The following GRIK2 variants were observed in gnomAD, a reference collection of about 807,000 sequenced individuals.
GRIK2 encodes the protein glutamate receptor ionotropic, kainate 2.
GRIK2 carries 32 observed loss-of-function variants against 100.3 expected under a neutral mutation model. That is an observed-to-expected ratio of 0.32 (90% CI 0.24 to 0.43). The LOEUF (loss-of-function observed/expected upper bound fraction) is 0.43. Among genes scored for constraint, GRIK2 ranks in the 20% least tolerant of loss-of-function variants. The pLI, the probability that GRIK2 is intolerant of heterozygous loss-of-function variation, is 1.00. For synonymous variants in GRIK2, 417 were observed against 389.4 expected (o/e 1.07, Z -0.83); for missense variants, 843 against 1,114.9 (o/e 0.76, Z 3.47).
intron 4 of GRIK2, among the ~76,000 whole-genome samples, chr6:101,657,176 T>C (rs940192892): frequency 6.6e-6 from 1 of 152,178 alleles, no homozygotes; most frequent in African/African-American, 2.4e-5. Flanking sequence ...TCATCTTGAA[T>C]TGTAATCTCC....
At chr6:101,754,130 AT>A in intron 7 of GRIK2, among the ~76,000 whole-genome samples, 1 of 152,234 alleles carries the variant, frequency 6.6e-6, no homozygotes, top group African/African-American at 2.4e-5. Context: ...TATAGTATTG[AT>A]TACATAAAAT....
chr6:101,460,786 C>T (rs952076156), intron 2 of GRIK2, among the ~76,000 whole-genome samples: 4 of 152,100 alleles, frequency 2.6e-5, no homozygotes, highest in Admixed American at 2.6e-4. Flanking sequence ...AATTTTGTGT[C>T]CTTAGAAGCC....
chr6:101,825,390 A>G (rs1782254957), intron 10 of GRIK2, among the ~76,000 whole-genome samples: 1 of 152,152 alleles, frequency 6.6e-6, no homozygotes. Flanking sequence ...CCACAAAGCT[A>G]GTCAAATATA....
intron 7 of GRIK2, among the ~76,000 whole-genome samples, chr6:101,776,153 T>G (rs142755845): frequency 1.4e-4 from 22 of 152,220 alleles, no homozygotes; most frequent in African/African-American, 5.1e-4. Flanking sequence ...TTAATGTACA[T>G]GAGAAGTTTA....
rs546277591 is a variant in GRIK2 at position 101,699,987 on chromosome 6, C to A, written c.951+13634C>A. Among the ~76,000 whole-genome samples the A allele has an allele frequency of 2.1e-4, 32 of 151,926 alleles. No individual in the cohort carries two copies. The South Asian group carries it at 3.5e-3, about 17-fold the overall frequency. On this transcript the variant is annotated intron_variant, in intron 7 of 16. Transcript: ENST00000369134. ...CATACTGAGACTCCGTTTCTACAAACAAAATGGAAAAAATTAGCCTGGCAT... is the reference window on the plus strand; with the variant it reads ...CATACTGAGACTCCGTTTCTACAAAAAAAATGGAAAAAATTAGCCTGGCAT...
intron 9 of GRIK2, among the ~76,000 whole-genome samples, chr6:101,816,515 A>C (rs552180806): frequency 6.6e-6 from 1 of 152,252 alleles, no homozygotes; most frequent in South Asian, 2.1e-4. Flanking sequence ...CTAAAAATAC[A>C]AATACAAAAT....
In GRIK2 at chr6:101,682,610, A is replaced by T; in HGVS notation, c.777+4A>T. ...TCATTATATCTTTACCACTCTGGTA[A>T]GTACTTCATTAAAACAAAATGTTCT... On this transcript the variant is annotated splice_donor_region_variant and intron_variant, in intron 6 of 16. Transcript: ENST00000369134. The T allele has an allele frequency of 8.5e-7, 1 of 1,173,826 alleles. No homozygotes were observed. The highest frequency in any genetic ancestry group is 1.3e-6 in the Non-Finnish European group (1 of 797,688). 72.7% of individuals were successfully genotyped at this position (1,173,826 alleles called of 1,614,324 possible).
intron 14 of GRIK2, among the ~76,000 whole-genome samples, chr6:102,005,924 T>C (rs1454709275): frequency 6.6e-6 from 1 of 152,040 alleles, no homozygotes; most frequent in Non-Finnish European, 1.5e-5. Context: ...ATGCATGTGG[T>C]CTCTCTTCTG....
chr6:101,752,750 A>G (rs1156238139), intron 7 of GRIK2, among the ~76,000 whole-genome samples: 1 of 152,222 alleles, frequency 6.6e-6, no homozygotes, highest in African/African-American at 2.4e-5. Context: ...ACATGAACAT[A>G]TGTTGTAACT....
chr6:101,780,087 T>C (rs1365125931), intron 7 of GRIK2, among the ~76,000 whole-genome samples: 1 of 152,190 alleles, frequency 6.6e-6, no homozygotes, highest in Non-Finnish European at 1.5e-5. Flanking sequence ...ATTAGAGTTA[T>C]GTTGAACCCT....
chr6:101,744,489 A>T (rs1438767012), intron 7 of GRIK2: 1 of 118,906 alleles, frequency 8.4e-6, no homozygotes, highest in South Asian at 3.1e-4. Context: ...GTAGTATTCC[A>T]TGGTGTGTGT....
At chr6:102,045,350 T>C (rs906687448) in intron 15 of GRIK2, among the ~76,000 whole-genome samples, 5 of 152,150 alleles carry the variant, frequency 3.3e-5, no homozygotes, top group Non-Finnish European at 5.9e-5. Flanking sequence ...CTTCTTTTAC[T>C]TTTGCTACCT....
At chr6:101,447,644 T>C (rs1171424913) in intron 2 of GRIK2, among the ~76,000 whole-genome samples, 1 of 151,712 alleles carries the variant, frequency 6.6e-6, no homozygotes, top group Non-Finnish European at 1.5e-5. Context: ...TGTAGTTCAG[T>C]TCTGACATCT....
intron 14 of GRIK2, among the ~76,000 whole-genome samples, chr6:101,974,643 G>C (rs1006548963): frequency 6.6e-6 from 1 of 151,978 alleles, no homozygotes; most frequent in African/African-American, 2.4e-5. Flanking sequence ...TGCTCTCAAT[G>C]CCTTTCAACT....
rs34986779 is a variant in GRIK2 at position 101,805,380 on chromosome 6, C to A, written c.1203+2942C>A. 7.2e-4 allele frequency among the ~76,000 whole-genome samples: 109 copies of A among 151,320 alleles called. 1 individual carries two copies. In the East Asian group the frequency reaches 0.021, roughly 29 times the overall value. On this transcript the variant is annotated intron_variant, in intron 9 of 16. Coordinates refer to ENST00000369134, the MANE Select transcript of GRIK2 (RefSeq NM_021956.5). ...ACAGTCTGAAGTGAGAATACTATGG[C>A]CTCTAAAAGAACCCGGAAGTACCAT...
At chr6:101,712,593 G>A (rs1403427738) in intron 7 of GRIK2, among the ~76,000 whole-genome samples, 1 of 151,724 alleles carries the variant, frequency 6.6e-6, no homozygotes. Context: ...ATAAGGTATT[G>A]ATTTTTGTTA....
intron 14 of GRIK2, among the ~76,000 whole-genome samples, chr6:102,020,119 A>G (rs1311601618): frequency 6.6e-6 from 1 of 151,966 alleles, no homozygotes; most frequent in Non-Finnish European, 1.5e-5. Context: ...TCCACAGAGT[A>G]AGTATCTCAG....
chr6:101,573,314 G>A (rs117261138), intron 2 of GRIK2, among the ~76,000 whole-genome samples: 3 of 152,114 alleles, frequency 2.0e-5, no homozygotes, highest in Non-Finnish European at 4.4e-5. Context: ...CATGCTTGGG[G>A]TTGGTTAGAC....
chr6:101,457,569 T>G (rs1771078123), intron 2 of GRIK2, among the ~76,000 whole-genome samples: 1 of 152,176 alleles, frequency 6.6e-6, no homozygotes, highest in Non-Finnish European at 1.5e-5. Flanking sequence ...TCATTTTGAC[T>G]TTTTCACTTC....
Sources: allele counts gnomAD v4.1 joint callset (sites outside exome capture counted in the v4.1 genomes callset), GRCh38; gene constraint gnomAD v4.1.1; transcripts MANE v1.5; gene names NCBI Gene and HGNC (gene_info 2026-07-23, HGNC 2026-07-21).